SHROOM3: variants seen among roughly 807,000 people sequenced by gnomAD.
SHROOM3 encodes protein Shroom3.
SHROOM3 carries 47 observed loss-of-function variants against 138.6 expected under a neutral mutation model. The observed-to-expected ratio is 0.34, with a 90% CI of 0.27 to 0.43. The LOEUF (loss-of-function observed/expected upper bound fraction) is 0.43, where lower values mean the gene tolerates loss of function less well. Ranked by LOEUF, SHROOM3 falls within the 20% of genes least tolerant of loss-of-function variation. The pLI, the probability that SHROOM3 is intolerant of heterozygous loss-of-function variation, is 1.00. For missense variants in SHROOM3, 2,491 were observed against 2,596.5 expected (o/e 0.96, Z 0.88); for synonymous variants, 1,062 against 1,063.3 (o/e 1.00, Z 0.02).
intron 1 of SHROOM3, among the ~76,000 whole-genome samples, chr4:76,460,827 C>CAAA (rs58793404): frequency 3.8e-5 from 3 of 78,770 alleles, no homozygotes; most frequent in South Asian, 6.6e-4. Context: ...CCCGTATCTA[C>CAAA]AAAAAAAAAA....
rs118150474 is a variant in SHROOM3, at chr4:76,508,563, A to T, written c.169-47046A>T. ...CTTGAGTTTCCATATGAATTTTAAA[A>T]TCGCTTTTCAGTTGCTGCAAAGAAG... On this transcript the variant is annotated intron_variant, in intron 1 of 10. Coordinates refer to ENST00000296043, the MANE Select transcript of SHROOM3 (RefSeq NM_020859.4). Among the ~76,000 whole-genome samples the T allele has an allele frequency of 2.7e-3, 405 of 152,348 alleles. 8 individuals carry two copies. In the East Asian group the frequency reaches 0.068, roughly 26 times the overall value.
chr4:76,541,777 G>T (rs1189104373), intron 1 of SHROOM3, among the ~76,000 whole-genome samples: 1 of 152,142 alleles, frequency 6.6e-6, no homozygotes, highest in Non-Finnish European at 1.5e-5. Flanking sequence ...TAAGATCTGA[G>T]AGCCCAGTGC....
intron 2 of SHROOM3, among the ~76,000 whole-genome samples, chr4:76,580,165 T>C (rs1330332563): frequency 6.6e-6 from 1 of 152,254 alleles, no homozygotes; most frequent in East Asian, 1.9e-4. Context: ...ATCAGGCTAA[T>C]TGCTTGACAA....
intron 2 of SHROOM3, chr4:76,559,356 T>C (rs1250216650): frequency 1.3e-5 from 2 of 152,186 alleles, no homozygotes; most frequent in Non-Finnish European, 2.9e-5. Flanking sequence ...GCCGTCACTT[T>C]CCTGAGAAGT....
At chr4:76,601,484 A>G (rs1485433371) in intron 2 of SHROOM3, among the ~76,000 whole-genome samples, 2 of 151,976 alleles carry the variant, frequency 1.3e-5, no homozygotes, top group Non-Finnish European at 2.9e-5. Context: ...AATTGAAATT[A>G]TTTTCCTCAG....
At chr4:76,543,508 TA>T (rs34905970) in intron 1 of SHROOM3, among the ~76,000 whole-genome samples, 11,772 of 152,250 alleles carry the variant, frequency 0.077, 622 homozygotes, top group East Asian at 0.16. Flanking sequence ...GATACCAGGT[TA>T]GGCTACAGTA....
chr4:76,685,700 TGG>T (rs750407948), intron 2 of SHROOM3, among the ~76,000 whole-genome samples: 2 of 152,216 alleles, frequency 1.3e-5, no homozygotes, highest in Non-Finnish European at 2.9e-5. Flanking sequence ...AAGTATAGGC[TGG>T]GCACGGTGGC....
chr4:76,450,208 T>C (rs1730898512), intron 1 of SHROOM3, among the ~76,000 whole-genome samples: 1 of 152,206 alleles, frequency 6.6e-6, no homozygotes, highest in Non-Finnish European at 1.5e-5. Flanking sequence ...GCTTTCTTTT[T>C]TGTCAAAATT....
chr4:76,755,101 G>A lies in SHROOM3; in HGVS notation c.4618G>A (p.Val1540Met), dbSNP rs1721762302. 6.3e-7 allele frequency: 1 copy of A among 1,598,628 alleles called. No individual in the cohort carries two copies. Among genetic ancestry groups the A allele is most frequent in the Non-Finnish European group, 8.5e-7 (1 of 1,170,488 alleles). The change falls in exon 7 of 11, where the codon GTG (valine) becomes ATG (methionine). Residue 1540 changes from valine (V) to methionine (M), a missense_variant. Physicochemically the swap from Val to Met is conservative, Grantham distance 21. Transcript: ENST00000296043. ...TCCTCCACCGAGTCAGGAAACCCCGGTGTATAGCATGGATGACTTCCCTCC... is the reference window on the plus strand; with the variant it reads ...TCCTCCACCGAGTCAGGAAACCCCGATGTATAGCATGGATGACTTCCCTCC... Reference protein sequence around the residue: ...PPPPPSQETPVYSMDDFPPPP... With the variant: ...PPPPPSQETPMYSMDDFPPPP...
At chr4:76,524,818 A>G (rs567584043) in intron 1 of SHROOM3, among the ~76,000 whole-genome samples, 50 of 152,286 alleles carry the variant, frequency 3.3e-4, no homozygotes, top group African/African-American at 1.1e-3. Flanking sequence ...TTAACTATCC[A>G]GGGGTTACGG....
intron 2 of SHROOM3, among the ~76,000 whole-genome samples, chr4:76,654,283 G>A (rs1364770293): frequency 5.9e-5 from 9 of 152,328 alleles, no homozygotes; most frequent in East Asian, 5.8e-4. Context: ...AAAGTCTGCC[G>A]AGGTAGACAG....
At position 76,444,517 on chromosome 4, in the gene SHROOM3, G is replaced by A. The variant is rs1357518799; in HGVS notation, c.168+8297G>A. On this transcript the variant is annotated intron_variant, in intron 1 of 10. Coordinates refer to ENST00000296043, the MANE Select transcript of SHROOM3 (RefSeq NM_020859.4). ...TTTTTTTTTTTTTTTTTTTTGAGAC[G>A]GAGTCTTGCTCTGTCGCCCAGGCTG... Among the ~76,000 whole-genome samples the A allele has an allele frequency of 7.4e-5, 9 of 121,502 alleles. No homozygotes were observed. In the East Asian group the frequency reaches 1.3e-3, roughly 18 times the overall value. 79.7% of individuals were successfully genotyped at this position (121,502 alleles called of 152,430 possible).
intron 2 of SHROOM3, 122 bp downstream of exon 2, chr4:76,555,885 A>G (rs995135772): frequency 9.3e-7 from 1 of 1,076,860 alleles, no homozygotes; most frequent in Non-Finnish European, 1.4e-6. Flanking sequence ...CCATGTATGG[A>G]TCCTGCCTTT....
chr4:76,595,517 AC>A (rs767101782), intron 2 of SHROOM3, among the ~76,000 whole-genome samples: 8 of 152,218 alleles, frequency 5.3e-5, no homozygotes, highest in Non-Finnish European at 1.0e-4. Flanking sequence ...TCTTGTCCAA[AC>A]AAGGGAAGGA....
At chr4:76,451,604 T>C (rs971330803) in intron 1 of SHROOM3, among the ~76,000 whole-genome samples, 25 of 152,210 alleles carry the variant, frequency 1.6e-4, no homozygotes, top group Non-Finnish European at 2.9e-4. Flanking sequence ...TATATCTTAA[T>C]AGTGATATGT....
At chr4:76,443,493 C>T (rs1344904454) in intron 1 of SHROOM3, among the ~76,000 whole-genome samples, 1 of 152,238 alleles carries the variant, frequency 6.6e-6, no homozygotes, top group Non-Finnish European at 1.5e-5. Context: ...GACTCTTCCA[C>T]ATCTCTCCCT....
chr4:76,640,477 GAGA>G (rs1257274443), intron 2 of SHROOM3, among the ~76,000 whole-genome samples: 2 of 152,202 alleles, frequency 1.3e-5, no homozygotes, highest in African/African-American at 4.8e-5. Flanking sequence ...GCCTGTGCTT[GAGA>G]AGACTAGTCA....
chr4:76,679,756 A>G (rs943841810), intron 2 of SHROOM3, among the ~76,000 whole-genome samples: 1 of 152,164 alleles, frequency 6.6e-6, no homozygotes, highest in Non-Finnish European at 1.5e-5. Context: ...CATCCTGCAC[A>G]TAACCACCTC....
intron 2 of SHROOM3, among the ~76,000 whole-genome samples, chr4:76,561,680 T>G (rs1577886358): frequency 1.6e-5 from 2 of 126,672 alleles, no homozygotes; most frequent in African/African-American, 3.0e-5. Flanking sequence ...GAAATATCTG[T>G]GATGCTAAAA....
Sources: allele counts gnomAD v4.1 joint callset (sites outside exome capture counted in the v4.1 genomes callset), GRCh38; gene constraint gnomAD v4.1.1; transcripts MANE v1.5; gene names NCBI Gene and HGNC (gene_info 2026-07-23, HGNC 2026-07-21).